CFAP58: variants seen among roughly 807,000 people sequenced by gnomAD.
CFAP58 encodes the protein cilia- and flagella-associated protein 58.
Under a neutral mutation model 119.5 loss-of-function variants are expected in CFAP58, and 88 were observed. That is an observed-to-expected ratio of 0.74 (90% CI 0.62 to 0.88). CFAP58 has a LOEUF of 0.88. Ranked by LOEUF, CFAP58 falls within the 40% of genes least tolerant of loss-of-function variation. The pLI, the probability that CFAP58 is intolerant of heterozygous loss-of-function variation, is 0.00. For missense variants in CFAP58, 990 were observed against 1,021.2 expected (o/e 0.97, Z 0.42); for synonymous variants, 365 against 366.3 (o/e 1.00, Z 0.04).
rs1297491277 is a variant in CFAP58, at chr10:104,447,764, G to A, written c.2323G>A (p.Glu775Lys). The A allele has an allele frequency of 1.1e-5, 17 of 1,614,032 alleles. No individual in the cohort carries two copies. Among genetic ancestry groups the A allele is most frequent in the Non-Finnish European group, 1.4e-5 (17 of 1,180,018 alleles). The change falls in exon 16 of 18, where the codon GAA becomes AAA. Residue 775 changes from glutamate to lysine, a missense_variant. Physicochemically the swap from Glu to Lys is moderately conservative, Grantham distance 56 (BLOSUM62 1). Coordinates refer to ENST00000369704, the MANE Select transcript of CFAP58 (RefSeq NM_001008723.2). The stretch of plus-strand genomic sequence containing the variant: ...CCGCCAGCCTGGACCTGAGGCTGCG[G>A]AACAGCTGAAGCTGTACCGACGCAC... ...LARQPGPEAA[E>K]QLKLYRRTLH...
upstream of CFAP58, among the ~76,000 whole-genome samples, chr10:104,349,842 G>T (rs947963412): frequency 6.6e-6 from 1 of 152,214 alleles, no homozygotes; most frequent in Non-Finnish European, 1.5e-5. Context: ...TTGGATGGGA[G>T]CCAGCCAGCT....
intron 15 of CFAP58, among the ~76,000 whole-genome samples, chr10:104,408,509 T>C (rs2012402308): frequency 6.6e-6 from 1 of 152,194 alleles, no homozygotes. Flanking sequence ...GCTGGTTAAG[T>C]GCTAGGGTGG....
chr10:104,357,907 A>ATG (rs1564875873), intron 1 of CFAP58, among the ~76,000 whole-genome samples: 1 of 118,530 alleles, frequency 8.4e-6, no homozygotes, highest in East Asian at 2.1e-4. Context: ...ATGTACACAT[A>ATG]TACACACATA....
intron 15 of CFAP58, among the ~76,000 whole-genome samples, chr10:104,424,194 C>A (rs2012705566): frequency 6.6e-6 from 1 of 152,192 alleles, no homozygotes; most frequent in South Asian, 2.1e-4. Context: ...AGCCTGGGAG[C>A]TGCCTATATG....
chr10:104,401,870 A>T (rs2133044470), intron 13 of CFAP58, among the ~76,000 whole-genome samples: 1 of 152,302 alleles, frequency 6.6e-6, no homozygotes, highest in African/African-American at 2.4e-5. Flanking sequence ...TTAGAAAATC[A>T]CTCATAACTT....
intron 5 of CFAP58, 51 bp from the exon 6 acceptor site, chr10:104,368,372 C>T: frequency 6.3e-7 from 1 of 1,589,002 alleles, no homozygotes; most frequent in Non-Finnish European, 8.6e-7. Flanking sequence ...GTATATCCAA[C>T]TATTGTAATC....
At chr10:104,364,472 T>A (rs1305896284) in intron 3 of CFAP58, among the ~76,000 whole-genome samples, 6 of 131,276 alleles carry the variant, frequency 4.6e-5, no homozygotes, top group African/African-American at 1.2e-4. Flanking sequence ...ACACACACAC[T>A]CTCACACGCA....
At chr10:104,434,876 G>A (rs536237548) in intron 15 of CFAP58, among the ~76,000 whole-genome samples, 115 of 152,286 alleles carry the variant, frequency 7.6e-4, no homozygotes, top group African/African-American at 2.7e-3. Flanking sequence ...GAAGGAGCAT[G>A]GTCTTTTGGA....
At chr10:104,366,395 C>G (rs193147006) in intron 5 of CFAP58, among the ~76,000 whole-genome samples, 79 of 152,308 alleles carry the variant, frequency 5.2e-4, no homozygotes, top group African/African-American at 1.8e-3. Context: ...TGTGCTCCCT[C>G]TTAGTCCTTC....
chr10:104,399,722 C>T (rs919655232), intron 12 of CFAP58, among the ~76,000 whole-genome samples: 1 of 152,084 alleles, frequency 6.6e-6, no homozygotes, highest in Non-Finnish European at 1.5e-5. Flanking sequence ...ACTAGGGACA[C>T]GTTGGCCACC....
chr10:104,347,179 G>A, the CFAP58 span, among the ~76,000 whole-genome samples: 1 of 152,032 alleles, frequency 6.6e-6, no homozygotes, highest in Non-Finnish European at 1.5e-5. Context: ...TCCTTCTCCT[G>A]GTAAAAATGC....
intron 9 of CFAP58, 30 bp from the exon 10 acceptor site, chr10:104,392,203 A>G (rs1381419950): frequency 2.6e-6 from 4 of 1,532,866 alleles, no homozygotes; most frequent in Non-Finnish European, 3.4e-6. Context: ...GGGCTATTTA[A>G]CCACATTCAT....
At chr10:104,452,158 T>C (rs11192067) in intron 17 of CFAP58, among the ~76,000 whole-genome samples, 26,634 of 152,060 alleles carry the variant, frequency 0.18, 2,731 homozygotes, top group Non-Finnish European at 0.23. Flanking sequence ...ATAAATTATA[T>C]GCAGATACCA....
Position 104,357,954 on chromosome 10 carries a change from T to C in CFAP58, c.10-387T>C, listed in dbSNP as rs12783830. 6.8e-3 allele frequency among the ~76,000 whole-genome samples: 734 copies of C among 107,810 alleles called. 32 individuals carry two copies. The highest frequency in any genetic ancestry group is 0.041 in the East Asian group (182 of 4,416). 70.7% of individuals were successfully genotyped at this position (107,810 alleles called of 152,430 possible). On this transcript the variant is annotated intron_variant, in intron 1 of 17. Transcript: ENST00000369704. ...ATACACACATATATGTACACATATA[T>C]ACACATATATGTACACATATGTACA...
At chr10:104,425,595 A>G (rs2012731458) in intron 15 of CFAP58, among the ~76,000 whole-genome samples, 1 of 152,194 alleles carries the variant, frequency 6.6e-6, no homozygotes, top group Non-Finnish European at 1.5e-5. Context: ...TAAGTATTAG[A>G]CCAGTTTTAC....
At chr10:104,448,870 T>C (rs1564908094) in intron 16 of CFAP58, among the ~76,000 whole-genome samples, 1 of 152,264 alleles carries the variant, frequency 6.6e-6, no homozygotes, top group Non-Finnish European at 1.5e-5. Context: ...ATTTTCTTGT[T>C]TTCTCAGAGG....
the CFAP58 span, among the ~76,000 whole-genome samples, chr10:104,343,105 A>T: frequency 6.6e-6 from 1 of 152,212 alleles, no homozygotes; most frequent in East Asian, 1.9e-4. Context: ...TGATTTGGTC[A>T]ATTTCCCACT....
intron 13 of CFAP58, 66 bp downstream of exon 13, chr10:104,400,969 G>A (rs1400487783): frequency 6.9e-6 from 8 of 1,157,370 alleles, no homozygotes; most frequent in Non-Finnish European, 8.9e-6. Flanking sequence ...AAATCACTTC[G>A]TAGTCATGCT....
chr10:104,358,030 C>A (rs1193868756), intron 1 of CFAP58, among the ~76,000 whole-genome samples: 3 of 137,036 alleles, frequency 2.2e-5, no homozygotes, highest in Admixed American at 7.2e-5. Flanking sequence ...CATATATATA[C>A]ATATGTACAT....
Sources: allele counts gnomAD v4.1 joint callset (sites outside exome capture counted in the v4.1 genomes callset), GRCh38; gene constraint gnomAD v4.1.1; transcripts MANE v1.5; gene names NCBI Gene and HGNC (gene_info 2026-07-23, HGNC 2026-07-21).